NTRK3: variants seen among roughly 807,000 people sequenced by gnomAD.
NTRK3 encodes NT-3 growth factor receptor.
In NTRK3, 24 loss-of-function variants were observed where a neutral mutation model predicts 91.7. The ratio of observed to expected loss-of-function variants is 0.26; its 90% CI spans 0.19 to 0.37. NTRK3 has a LOEUF of 0.37. Ranked by LOEUF, NTRK3 falls within the 10% of genes least tolerant of loss-of-function variation. NTRK3 has a pLI of 1.00. For missense variants in NTRK3, 880 were observed against 1,068.9 expected (o/e 0.82, Z 2.46); for synonymous variants, 483 against 404.0 (o/e 1.20, Z -2.34).
At chr15:87,886,697 T>TATATATATATATACATAC (rs1335887821) in intron 17 of NTRK3, among the ~76,000 whole-genome samples, 17 of 135,882 alleles carry the variant, frequency 1.3e-4, no homozygotes, top group Non-Finnish European at 2.5e-4. Context: ...TATATATATA[T>TATATATATATATACATAC]ATACATATAT....
At chr15:87,924,098 T>C (rs1454725800) in intron 17 of NTRK3, among the ~76,000 whole-genome samples, 1 of 152,202 alleles carries the variant, frequency 6.6e-6, no homozygotes, top group Non-Finnish European at 1.5e-5. Flanking sequence ...TTTATATTTC[T>C]TAACTCTTAG....
chr15:87,876,735 A>ATATG, exon 19 of NTRK3: 1 of 399,308 alleles, frequency 2.5e-6, no homozygotes, highest in Non-Finnish European at 4.7e-6. Context: ...ATATATATAT[A>ATATG]TATTTGCCAA....
At chr15:88,069,867 G>A (rs1424296217) in intron 13 of NTRK3, among the ~76,000 whole-genome samples, 1 of 152,146 alleles carries the variant, frequency 6.6e-6, no homozygotes, top group East Asian at 1.9e-4. Flanking sequence ...GCCCCGAACA[G>A]CCCAGAAATA....
chr15:87,953,100 T>C (rs1427712642), intron 14 of NTRK3, among the ~76,000 whole-genome samples: 1 of 152,072 alleles, frequency 6.6e-6, no homozygotes, highest in Non-Finnish European at 1.5e-5. Flanking sequence ...CTTCCAAGAG[T>C]TTCCCCCACA....
chr15:88,006,419 C>T (rs1214912091), intron 14 of NTRK3, among the ~76,000 whole-genome samples: 2 of 152,204 alleles, frequency 1.3e-5, no homozygotes, highest in East Asian at 1.9e-4. Context: ...CAATGCTATG[C>T]ACTACCAGGA....
intron 3 of NTRK3, among the ~76,000 whole-genome samples, chr15:88,228,935 G>T (rs563406932): frequency 2.6e-5 from 4 of 152,228 alleles, no homozygotes; most frequent in African/African-American, 9.6e-5. Context: ...GGAGTGTTGT[G>T]GGGGGACCTC....
intron 13 of NTRK3, among the ~76,000 whole-genome samples, chr15:88,080,095 C>A (rs956754370): frequency 2.0e-5 from 3 of 152,146 alleles, no homozygotes; most frequent in African/African-American, 7.2e-5. Flanking sequence ...ATTTACATAA[C>A]AGATTTTGTA....
chr15:88,154,667 T>C (rs2043717727), intron 5 of NTRK3, among the ~76,000 whole-genome samples: 1 of 152,208 alleles, frequency 6.6e-6, no homozygotes, highest in Admixed American at 6.5e-5. Context: ...CTCAGGAGAC[T>C]GGAGGCAACT....
At chr15:88,171,183 C>A (rs1412568322) in intron 5 of NTRK3, among the ~76,000 whole-genome samples, 2 of 152,220 alleles carry the variant, frequency 1.3e-5, no homozygotes, top group African/African-American at 4.8e-5. Context: ...TAAGAACCAG[C>A]AAGCCATGCT....
At chr15:87,958,763 C>A (rs906091727) in intron 14 of NTRK3, among the ~76,000 whole-genome samples, 1 of 152,048 alleles carries the variant, frequency 6.6e-6, no homozygotes, top group Non-Finnish European at 1.5e-5. Flanking sequence ...AGGGGTCTCC[C>A]AAACTGAGCT....
At chr15:88,130,600 G>T (rs1381676379) in intron 10 of NTRK3, among the ~76,000 whole-genome samples, 1 of 152,054 alleles carries the variant, frequency 6.6e-6, no homozygotes, top group East Asian at 1.9e-4. Flanking sequence ...AGAGGGCAGA[G>T]CATCACTTCT....
At chr15:87,872,382 T>C (rs544088084) in exon 19 of NTRK3, 1 of 225,400 alleles carries the variant, frequency 4.4e-6, no homozygotes, top group African/African-American at 2.2e-5. Context: ...CTTTGGTGAA[T>C]AGTCTGCAAC....
At position 88,168,209 on chromosome 15, in the gene NTRK3, C is replaced by G. The variant is rs181258362; in HGVS notation, c.395+15209G>C. Among the ~76,000 whole-genome samples, 105 of 152,288 alleles carry G rather than the reference C, an allele frequency of 6.9e-4. 2 individuals are homozygous for G. The South Asian group carries it at 9.5e-3, about 14-fold the overall frequency. On this transcript the variant is annotated intron_variant, in intron 5 of 18. Transcript: ENST00000394480. ...GCACAACCCCATGACTGTGAAATCA[C>G]TTAATAAATGCCACTAGTGATATGT...
chr15:87,961,945 A>G (rs543906992), intron 14 of NTRK3, among the ~76,000 whole-genome samples: 1 of 152,226 alleles, frequency 6.6e-6, no homozygotes, highest in Non-Finnish European at 1.5e-5. Context: ...CACATGGCTG[A>G]GTGGACTTCC....
At chr15:87,875,043 TG>T in exon 19 of NTRK3, 1 of 230,544 alleles carries the variant, frequency 4.3e-6, no homozygotes, top group Non-Finnish European at 8.6e-6. Flanking sequence ...AAAATATTTG[TG>T]GGTCTACAAA....
At chr15:87,912,554 G>A (rs1393681287) in intron 17 of NTRK3, among the ~76,000 whole-genome samples, 1 of 152,086 alleles carries the variant, frequency 6.6e-6, no homozygotes, top group African/African-American at 2.4e-5. Flanking sequence ...TGAATTCACA[G>A]GAAGGGAGAA....
Position 88,159,151 on chromosome 15 carries a change from T to C in NTRK3, c.396-11748A>G, listed in dbSNP as rs111515395. On this transcript the variant is annotated intron_variant, in intron 5 of 18. Coordinates refer to ENST00000394480, the Ensembl canonical transcript of NTRK3. The stretch of plus-strand genomic sequence containing the variant: ...GAGGAAGCACATTCCTGTTCATTAC[T>C]TTTTAGCCAGGCCAGACAACAGTCC... 2.8e-3 allele frequency among the ~76,000 whole-genome samples: 428 copies of C among 152,318 alleles called. 3 individuals are homozygous for C. The Middle Eastern group carries it at 0.031, about 11-fold the overall frequency.
chr15:87,940,986 A>G (rs543097152), intron 14 of NTRK3, among the ~76,000 whole-genome samples: 95 of 152,206 alleles, frequency 6.2e-4, no homozygotes, highest in African/African-American at 2.0e-3. Context: ...ACCCCTCTAA[A>G]CCACAACATC....
At chr15:87,914,029 A>G (rs985690811) in intron 17 of NTRK3, among the ~76,000 whole-genome samples, 1 of 152,158 alleles carries the variant, frequency 6.6e-6, no homozygotes, top group African/African-American at 2.4e-5. Context: ...GACATGGAGT[A>G]TTTCTGAACC....
Sources: allele counts gnomAD v4.1 joint callset (sites outside exome capture counted in the v4.1 genomes callset), GRCh38; gene constraint gnomAD v4.1.1; transcripts MANE v1.5; gene names NCBI Gene and HGNC (gene_info 2026-07-23, HGNC 2026-07-21).